ALK: variants seen among roughly 807,000 people sequenced by gnomAD.
The protein encoded by ALK is ALK receptor tyrosine kinase, also known as ALK tyrosine kinase receptor.
A neutral mutation model predicts 163.1 loss-of-function variants in ALK; 74 were observed. That is an observed-to-expected ratio of 0.45 (90% CI 0.38 to 0.55). ALK has a LOEUF of 0.55. Ranked by LOEUF, ALK falls within the 20% of genes least tolerant of loss-of-function variation. The pLI, the probability that ALK is intolerant of heterozygous loss-of-function variation, is 0.00. For synonymous variants in ALK, 960 were observed against 843.2 expected (o/e 1.14, Z -2.40); for missense variants, 2,063 against 2,105.3 (o/e 0.98, Z 0.39).
At chr2:29,812,704 A>T (rs903704863) in intron 1 of ALK, among the ~76,000 whole-genome samples, 6 of 152,128 alleles carry the variant, frequency 3.9e-5, no homozygotes, top group Non-Finnish European at 7.3e-5. Flanking sequence ...TGCCATATAG[A>T]GGGGAGAAGG....
intron 4 of ALK, among the ~76,000 whole-genome samples, chr2:29,424,082 T>A (rs1670080628): frequency 6.6e-6 from 1 of 152,086 alleles, no homozygotes; most frequent in African/African-American, 2.4e-5. Flanking sequence ...ACATGGGTAA[T>A]GAAAAGGTAA....
chr2:29,213,575 C>A (rs1461779615), intron 24 of ALK, among the ~76,000 whole-genome samples: 1 of 152,128 alleles, frequency 6.6e-6, no homozygotes, highest in Non-Finnish European at 1.5e-5. Context: ...CAGGGGTCCT[C>A]ACAGGAGGTT....
intron 2 of ALK, among the ~76,000 whole-genome samples, chr2:29,712,680 C>A (rs1257557062): frequency 6.6e-6 from 1 of 151,760 alleles, no homozygotes; most frequent in Non-Finnish European, 1.5e-5. Context: ...GAAATTGATA[C>A]ATTAACAGGA....
intron 4 of ALK, among the ~76,000 whole-genome samples, chr2:29,525,397 T>G (rs1337703621): frequency 6.6e-6 from 1 of 152,200 alleles, no homozygotes; most frequent in Non-Finnish European, 1.5e-5. Flanking sequence ...GTTAGAGCCA[T>G]GATTCTTAAC....
intron 2 of ALK, among the ~76,000 whole-genome samples, chr2:29,698,330 A>G (rs1207588491): frequency 2.0e-5 from 3 of 152,212 alleles, no homozygotes; most frequent in African/African-American, 4.8e-5. Context: ...GCCATGAAAC[A>G]TGACTAATAA....
At chr2:29,263,839 A>C (rs1164994869) in intron 11 of ALK, among the ~76,000 whole-genome samples, 1 of 152,218 alleles carries the variant, frequency 6.6e-6, no homozygotes, top group East Asian at 1.9e-4. Context: ...TTCTAGGGCC[A>C]CTGAATTAAC....
rs538312092 is a variant in ALK, at chr2:29,499,099, A to C, written c.1154+32816T>G. Among the ~76,000 whole-genome samples the C allele has an allele frequency of 2.0e-5, 3 of 152,332 alleles. No individual in the cohort carries two copies. In the East Asian group the frequency reaches 5.8e-4, roughly 29 times the overall value. On this transcript the variant is annotated intron_variant, in intron 4 of 28. Transcript: ENST00000389048. ...GGCCTGCCTGGCAGTCCTACAAATT[A>C]GAAGGCAGGAGTTCTCCATTCCCAA... is the stretch of plus-strand genomic sequence containing the variant.
Position 29,920,597 on chromosome 2 carries a change from G to A in ALK, c.63C>T (p.Ser21=), listed in dbSNP as rs2148444013. The A allele has an allele frequency of 1.3e-6, 2 of 1,563,292 alleles. No homozygotes were observed. Among genetic ancestry groups the A allele is most frequent in the Non-Finnish European group, 1.7e-6 (2 of 1,160,646 alleles). ...PLLLSTAAVG[S]GMGTGQRAGS... ...CCGCGCGCTGGCCGGTCCCCATCCC[G>A]GAGCCCACAGCTGCCGTGGAAAGCA... is the stretch of plus-strand genomic sequence containing the variant. The change falls in exon 1 of 29, where the codon TCC becomes TCT. Residue 21 remains serine, a synonymous_variant. Transcript: ENST00000389048.
chr2:29,669,755 C>A (rs971246996), intron 3 of ALK, among the ~76,000 whole-genome samples: 1 of 151,646 alleles, frequency 6.6e-6, no homozygotes, highest in Admixed American at 6.6e-5. Context: ...AGTGATTCTA[C>A]TATAGGTTTT....
chr2:29,870,872 T>A (rs1439176448), intron 1 of ALK, among the ~76,000 whole-genome samples: 2 of 152,176 alleles, frequency 1.3e-5, no homozygotes, highest in African/African-American at 4.8e-5. Context: ...TAGATCTCAG[T>A]TTTCCAGTAG....
At chr2:29,556,272 G>C (rs960765829) in intron 3 of ALK, among the ~76,000 whole-genome samples, 2 of 152,290 alleles carry the variant, frequency 1.3e-5, no homozygotes, top group Middle Eastern at 3.4e-3. Context: ...CGTTTCTAAA[G>C]TGTCTATGAA....
Position 29,418,826 on chromosome 2 carries a change from A to G in ALK, c.1155-34967T>C, listed in dbSNP as rs1307719152. Among the ~76,000 whole-genome samples, 3 of 147,098 alleles carry G rather than the reference A, an allele frequency of 2.0e-5. No individual in the cohort carries two copies. The East Asian group carries it at 5.8e-4, about 28-fold the overall frequency. ...TTGGGTGGTATAGGAAAATAGAGATAAAGGCTAAGAAAATGTACATCCAGA... is the reference window on the plus strand; with the variant it reads ...TTGGGTGGTATAGGAAAATAGAGATGAAGGCTAAGAAAATGTACATCCAGA... On this transcript the variant is annotated intron_variant, in intron 4 of 28. Coordinates refer to ENST00000389048, the MANE Select transcript of ALK (RefSeq NM_004304.5).
At chr2:29,277,722 C>G (rs1272604523) in intron 9 of ALK, among the ~76,000 whole-genome samples, 1 of 152,186 alleles carries the variant, frequency 6.6e-6, no homozygotes, top group African/African-American at 2.4e-5. Flanking sequence ...GATGGAGAAC[C>G]TTCAAATCCT....
At position 29,446,098 on chromosome 2, in the gene ALK, C is replaced by CAAAA. The variant is rs60360983; in HGVS notation, c.1155-62243_1155-62240dup. On this transcript the variant is annotated intron_variant, in intron 4 of 28. Coordinates refer to ENST00000389048, the MANE Select transcript of ALK (RefSeq NM_004304.5). Reference sequence around the variant, plus strand: ...TGGGCGACAGAGCGAGACTCCGTCTCAAAAAAAAAAAAAAAAAAAAAAAAA... The same window carrying CAAAA: ...TGGGCGACAGAGCGAGACTCCGTCTCAAAAAAAAAAAAAAAAAAAAAAAAAAAAA... Among the ~76,000 whole-genome samples the CAAAA allele has an allele frequency of 8.1e-4, 14 of 17,214 alleles. 4 individuals are homozygous for CAAAA. The highest frequency in any genetic ancestry group is 9.8e-4 in the Non-Finnish European group (9 of 9,172). 11.3% of individuals were successfully genotyped at this position (17,214 alleles called of 152,430 possible). A position where few individuals can be genotyped will look rare whatever the true frequency, so the allele number is the denominator to read the frequency against.
intron 1 of ALK, among the ~76,000 whole-genome samples, chr2:29,784,619 C>G (rs1663952207): frequency 6.6e-6 from 1 of 152,012 alleles, no homozygotes; most frequent in Non-Finnish European, 1.5e-5. Flanking sequence ...CGCTTGAACC[C>G]AGGAGGCAGA....
chr2:29,714,137 C>A (rs1318242626), intron 2 of ALK, among the ~76,000 whole-genome samples: 1 of 151,992 alleles, frequency 6.6e-6, no homozygotes, highest in African/African-American at 2.4e-5. Context: ...ATAAATAAGT[C>A]TAAGGGCATG....
At chr2:29,231,742 G>T (rs1250128835) in intron 15 of ALK, among the ~76,000 whole-genome samples, 3 of 152,208 alleles carry the variant, frequency 2.0e-5, no homozygotes, top group African/African-American at 4.8e-5. Flanking sequence ...TGTCTTTAGG[G>T]GTGGCTGACT....
In ALK at chr2:29,331,733, C is replaced by T. The variant is rs528615403; in HGVS notation, c.1283-3252G>A. Reference sequence around the variant, plus strand: ...AGTCGAGAGCACCCCAGAAGCAGCACCTGCTTGCTCACTAAACTTGTAACA... The same window carrying T: ...AGTCGAGAGCACCCCAGAAGCAGCATCTGCTTGCTCACTAAACTTGTAACA... On this transcript the variant is annotated intron_variant, in intron 5 of 28. Coordinates refer to ENST00000389048, the MANE Select transcript of ALK (RefSeq NM_004304.5). Among the ~76,000 whole-genome samples the T allele has an allele frequency of 3.3e-5, 5 of 152,252 alleles. No homozygotes were observed. In the East Asian group the frequency reaches 9.7e-4, roughly 29 times the overall value.
intron 1 of ALK, among the ~76,000 whole-genome samples, chr2:29,903,911 G>C (rs1282261441): frequency 1.3e-5 from 2 of 152,104 alleles, no homozygotes; most frequent in African/African-American, 2.4e-5. Flanking sequence ...CAGGAAATAG[G>C]TTAGAATCAT....
Sources: allele counts gnomAD v4.1 joint callset (sites outside exome capture counted in the v4.1 genomes callset), GRCh38; gene constraint gnomAD v4.1.1; transcripts MANE v1.5; gene names NCBI Gene and HGNC (gene_info 2026-07-23, HGNC 2026-07-21).